Variants in TSHR observed in about 807,000 individuals in gnomAD.
TSHR encodes thyroid stimulating hormone receptor.
Under a neutral mutation model 64.1 loss-of-function variants are expected in TSHR, and 51 were observed. That is an observed-to-expected ratio of 0.80 (90% CI 0.64 to 1.01). The LOEUF (loss-of-function observed/expected upper bound fraction) is 1.01. Among genes scored for constraint, TSHR ranks in the 50% least tolerant of loss-of-function variants. The probability of loss-of-function intolerance (pLI) is 0.00; values close to 1 mark genes in which losing one functional copy is unlikely to be tolerated. For missense variants in TSHR, 877 were observed against 942.8 expected (o/e 0.93, Z 0.91); for synonymous variants, 361 against 361.9 (o/e 1.00, Z 0.03).
intron 1 of TSHR, among the ~76,000 whole-genome samples, chr14:80,981,587 G>A (rs1389978236): frequency 6.6e-6 from 1 of 152,176 alleles, no homozygotes; most frequent in Non-Finnish European, 1.5e-5. Flanking sequence ...GACATAGGTG[G>A]TGATGAGGTC....
At chr14:81,079,679 T>A (rs1887750321) in intron 3 of TSHR, among the ~76,000 whole-genome samples, 1 of 151,958 alleles carries the variant, frequency 6.6e-6, no homozygotes, top group African/African-American at 2.4e-5. Flanking sequence ...GAGTGAGACA[T>A]CATCTCTATG....
At chr14:80,976,159 C>T (rs1029369498) in intron 1 of TSHR, among the ~76,000 whole-genome samples, 14 of 152,310 alleles carry the variant, frequency 9.2e-5, no homozygotes, top group Middle Eastern at 3.4e-3. Context: ...GATCCGCCCG[C>T]CTCGGCCTCC....
intron 1 of TSHR, among the ~76,000 whole-genome samples, chr14:81,037,905 A>G (rs763685860): frequency 6.6e-5 from 10 of 151,026 alleles, no homozygotes; most frequent in Non-Finnish European, 1.3e-4. Flanking sequence ...ACTTTCAGCA[A>G]TAGATAGATC....
At chr14:81,100,167 T>C (rs1889483776) in intron 7 of TSHR, among the ~76,000 whole-genome samples, 1 of 152,218 alleles carries the variant, frequency 6.6e-6, no homozygotes, top group African/African-American at 2.4e-5. Context: ...TTAAAAGAAA[T>C]TTATGATCTT....
intron 1 of TSHR, among the ~76,000 whole-genome samples, chr14:81,008,689 T>C (rs1566760710): frequency 6.6e-6 from 1 of 152,208 alleles, no homozygotes; most frequent in Admixed American, 6.5e-5. Context: ...ATGTGAAGAA[T>C]TGCTAGCTGT....
At chr14:81,050,346 G>A (rs1885367933) in intron 1 of TSHR, 1 of 152,140 alleles carries the variant, frequency 6.6e-6, no homozygotes, top group East Asian at 1.9e-4. Context: ...CTTAGCCTGA[G>A]AACATTTTTT....
intron 7 of TSHR, among the ~76,000 whole-genome samples, chr14:81,108,109 A>G (rs2140029501): frequency 6.6e-6 from 1 of 152,330 alleles, no homozygotes; most frequent in Middle Eastern, 3.4e-3. Flanking sequence ...GAATTAAAAC[A>G]ACTTTTAAGA....
At chr14:81,118,515 G>A (rs547702083) in intron 8 of TSHR, among the ~76,000 whole-genome samples, 116 of 147,924 alleles carry the variant, frequency 7.8e-4, no homozygotes, top group Non-Finnish European at 1.4e-3. Context: ...CACTGCTCAA[G>A]GAAATAAAAG....
At chr14:81,077,849 A>C (rs923204946) in intron 3 of TSHR, among the ~76,000 whole-genome samples, 1 of 152,060 alleles carries the variant, frequency 6.6e-6, no homozygotes, top group African/African-American at 2.4e-5. Context: ...AGTCCTTTGC[A>C]AATTTTTTGT....
intron 1 of TSHR, among the ~76,000 whole-genome samples, chr14:81,006,933 A>G (rs1450912096): frequency 1.3e-5 from 2 of 152,190 alleles, no homozygotes; most frequent in Non-Finnish European, 2.9e-5. Context: ...ATTTATCACA[A>G]TCAATAAACA....
intron 1 of TSHR, chr14:81,032,872 A>G (rs1566772401): frequency 5.4e-6 from 2 of 371,764 alleles, no homozygotes; most frequent in Non-Finnish European, 1.0e-5. Flanking sequence ...GATCAACAGC[A>G]GAACTCACCT....
At chr14:80,964,288 G>A (rs1256042813) in intron 1 of TSHR, among the ~76,000 whole-genome samples, 1 of 152,186 alleles carries the variant, frequency 6.6e-6, no homozygotes, top group Non-Finnish European at 1.5e-5. Context: ...AGAATGTCCA[G>A]TTATTTTCAT....
Position 81,144,139 on chromosome 14 carries a change from G to A in TSHR, c.2081G>A (p.Ser694Asn), listed in dbSNP as rs760244433. 3 of 1,614,132 alleles carry A rather than the reference G, an allele frequency of 1.9e-6. No individual in the cohort carries two copies. Among genetic ancestry groups the A allele is most frequent in the Non-Finnish European group, 2.5e-6 (3 of 1,180,030 alleles). The change falls in exon 10 of 10, where the codon AGC becomes AAC. Residue 694 changes from serine to asparagine, a missense_variant. Physicochemically the swap from Ser to Asn is conservative, Grantham distance 46. Transcript: ENST00000298171. ...AFQRDVFILL[S>N]KFGICKRQAQ... ...CAGAGGGATGTGTTCATCCTACTCA[G>A]CAAGTTTGGCATCTGTAAACGCCAG...
intron 3 of TSHR, among the ~76,000 whole-genome samples, chr14:81,081,981 A>T (rs897876053): frequency 3.3e-5 from 5 of 152,202 alleles, no homozygotes; most frequent in South Asian, 2.1e-4. Context: ...AAAGAAAAAT[A>T]AAATTAAAAA....
Position 81,096,705 on chromosome 14 carries a change from T to C in TSHR, c.612T>C (p.Ala204=). ...GYAFNGTKLD[A]VYLNKNKYLT... ...CTTTCAATGGGACAAAGCTGGATGC[T>C]GTGTAAGTCAAGGGTAGCCATGAAA... is the stretch of plus-strand genomic sequence containing the variant. Residue 204 remains alanine (A), a splice_region_variant and synonymous_variant, in exon 7 of 10, where the codon GCT becomes GCC. Transcript: ENST00000298171. 1 of 1,613,484 alleles carries C rather than the reference T, an allele frequency of 6.2e-7. No homozygotes were observed. Among genetic ancestry groups the C allele is most frequent in the South Asian group, 1.1e-5 (1 of 91,074 alleles).
chr14:80,980,487 T>A (rs1287893653), intron 1 of TSHR, among the ~76,000 whole-genome samples: 3 of 152,212 alleles, frequency 2.0e-5, no homozygotes, highest in Non-Finnish European at 4.4e-5. Flanking sequence ...TACCCTCTCT[T>A]GCTGTTAAGA....
chr14:81,106,687 G>A (rs1192135046), intron 7 of TSHR, among the ~76,000 whole-genome samples: 1 of 152,138 alleles, frequency 6.6e-6, no homozygotes, highest in African/African-American at 2.4e-5. Flanking sequence ...GCTCATGCCT[G>A]TAATCCCAGC....
intron 8 of TSHR, among the ~76,000 whole-genome samples, chr14:81,109,514 G>A (rs1488287313): frequency 5.3e-5 from 8 of 152,206 alleles, no homozygotes; most frequent in African/African-American, 1.9e-4. Context: ...AAATATTAGA[G>A]GTTCTATTTA....
intron 1 of TSHR, chr14:80,982,778 C>A: frequency 1.7e-6 from 1 of 592,492 alleles, no homozygotes; most frequent in Non-Finnish European, 2.9e-6. Context: ...GTGGCAACAG[C>A]CTGCCCTTGT....
Sources: allele counts gnomAD v4.1 joint callset (sites outside exome capture counted in the v4.1 genomes callset), GRCh38; gene constraint gnomAD v4.1.1; transcripts MANE v1.5; gene names NCBI Gene and HGNC (gene_info 2026-07-23, HGNC 2026-07-21).